CLVS1: variants seen among roughly 807,000 people sequenced by gnomAD.
The protein encoded by CLVS1 is clavesin 1.
In CLVS1, 10 loss-of-function variants were observed where a neutral mutation model predicts 33.1. That is an observed-to-expected ratio of 0.30 (90% CI 0.19 to 0.51). CLVS1 has a LOEUF of 0.51. Among genes scored for constraint, CLVS1 ranks in the 20% least tolerant of loss-of-function variants. CLVS1 has a pLI of 0.97. For missense variants in CLVS1, 343 were observed against 433.4 expected, an observed-to-expected ratio of 0.79 and a Z score of 1.85; for synonymous variants, 163 against 166.1, an observed-to-expected ratio of 0.98 and a Z score of 0.14.
chr8:61,254,618 G>A, intron 2 of CLVS1, among the ~76,000 whole-genome samples: 1 of 152,110 alleles, frequency 6.6e-6, no homozygotes, highest in Middle Eastern at 3.2e-3. Context: ...CCTCAGCAAT[G>A]GCGGGCACCC....
At chr8:61,055,022 C>A (rs982893044), upstream of CLVS1, among the ~76,000 whole-genome samples, 2 of 152,086 alleles carry the variant, frequency 1.3e-5, no homozygotes, top group African/African-American at 4.8e-5. Flanking sequence ...TCACACCAAC[C>A]CTTTCATTAT....
At chr8:61,276,481 T>C (rs761445004) in intron 2 of CLVS1, among the ~76,000 whole-genome samples, 2 of 152,236 alleles carry the variant, frequency 1.3e-5, no homozygotes, top group Non-Finnish European at 2.9e-5. Context: ...GGCAACATTC[T>C]CTTGTTTGTT....
At chr8:61,457,872 G>A (rs1817223126) in intron 4 of CLVS1, among the ~76,000 whole-genome samples, 1 of 152,208 alleles carries the variant, frequency 6.6e-6, no homozygotes, top group African/African-American at 2.4e-5. Context: ...GGGCGAATTA[G>A]GAAGAAGCTG....
At chr8:61,233,615 G>T (rs561257274) in intron 2 of CLVS1, among the ~76,000 whole-genome samples, 32 of 152,000 alleles carry the variant, frequency 2.1e-4, no homozygotes, top group African/African-American at 7.5e-4. Flanking sequence ...CCTACTCCTA[G>T]AACCAGACTC....
intron 1 of CLVS1, among the ~76,000 whole-genome samples, chr8:61,064,917 G>T (rs1339037414): frequency 6.6e-6 from 1 of 152,196 alleles, no homozygotes; most frequent in African/African-American, 2.4e-5. Context: ...TGGCCAGGCT[G>T]GTCTCGAACT....
At chr8:61,409,692 T>C (rs1454169050) in intron 3 of CLVS1, among the ~76,000 whole-genome samples, 2 of 152,192 alleles carry the variant, frequency 1.3e-5, no homozygotes, top group Non-Finnish European at 2.9e-5. Context: ...ATTAAAATTA[T>C]CCGTTTGCAA....
chr8:61,068,223 G>GTATTTATATATA (rs71521932), intron 1 of CLVS1, among the ~76,000 whole-genome samples: 1 of 105,184 alleles, frequency 9.5e-6, no homozygotes, highest in African/African-American at 5.3e-5. Context: ...ATATATGTAT[G>GTATTTATATATA]TATGTGTATA....
intron 3 of CLVS1, among the ~76,000 whole-genome samples, chr8:61,379,460 G>A (rs145547423): frequency 4.2e-5 from 6 of 144,184 alleles, no homozygotes; most frequent in Non-Finnish European, 7.5e-5. Flanking sequence ...CTCCCAGACA[G>A]CCCAATCTTT....
At chr8:61,218,794 A>AG (rs1808146913) in intron 2 of CLVS1, among the ~76,000 whole-genome samples, 1 of 118,870 alleles carries the variant, frequency 8.4e-6, no homozygotes, top group African/African-American at 3.8e-5. Context: ...AAAAAAAAAA[A>AG]AAAGCTGGGA....
intron 5 of CLVS1, among the ~76,000 whole-genome samples, chr8:61,460,591 G>A (rs182360332): frequency 3.8e-4 from 58 of 152,320 alleles, no homozygotes; most frequent in African/African-American, 1.3e-3. Flanking sequence ...AGAGAAGTGA[G>A]CAGGAACATT....
At chr8:61,391,415 G>A (rs1814300417) in intron 3 of CLVS1, among the ~76,000 whole-genome samples, 1 of 152,148 alleles carries the variant, frequency 6.6e-6, no homozygotes, top group South Asian at 2.1e-4. Context: ...TGGAAGAAAA[G>A]GAAAAATGAG....
chr8:61,149,320 G>T (rs996974268), intron 2 of CLVS1, among the ~76,000 whole-genome samples: 2 of 152,056 alleles, frequency 1.3e-5, no homozygotes, highest in African/African-American at 4.8e-5. Flanking sequence ...GGGAGGCTGA[G>T]GTGGGTGGAT....
the CLVS1 span, among the ~76,000 whole-genome samples, chr8:61,025,804 A>G: frequency 2.0e-5 from 3 of 152,222 alleles, no homozygotes; most frequent in African/African-American, 7.2e-5. Context: ...TGTCTTTCTT[A>G]GAACAATGAC....
At chr8:60,973,278 T>C in the CLVS1 span, among the ~76,000 whole-genome samples, 2 of 152,262 alleles carry the variant, frequency 1.3e-5, no homozygotes, top group Non-Finnish European at 2.9e-5. Flanking sequence ...TATCAATTGT[T>C]TTCTCCTTAT....
At chr8:61,070,072 C>T (rs886888597) in intron 1 of CLVS1, among the ~76,000 whole-genome samples, 8 of 152,304 alleles carry the variant, frequency 5.3e-5, no homozygotes, top group South Asian at 2.1e-4. Context: ...GGATTCCAGG[C>T]GTGAGCCACA....
intron 2 of CLVS1, among the ~76,000 whole-genome samples, chr8:61,261,140 C>T (rs753570112): frequency 3.9e-5 from 6 of 152,162 alleles, no homozygotes; most frequent in Non-Finnish European, 7.3e-5. Flanking sequence ...GAGCTTCTAA[C>T]TGATGTGTGT....
intron 3 of CLVS1, among the ~76,000 whole-genome samples, chr8:61,395,506 T>C (rs1233219010): frequency 2.0e-5 from 3 of 152,230 alleles, no homozygotes; most frequent in African/African-American, 4.8e-5. Flanking sequence ...GTGATGGATA[T>C]GTTAATTAGC....
intron 2 of CLVS1, among the ~76,000 whole-genome samples, chr8:61,270,956 A>C (rs1292144093): frequency 6.6e-6 from 1 of 151,572 alleles, no homozygotes; most frequent in Admixed American, 6.6e-5. Context: ...TGATCCTGTC[A>C]AAAAACCAGC....
the CLVS1 span, among the ~76,000 whole-genome samples, chr8:61,044,333 A>G: frequency 2.0e-5 from 3 of 152,224 alleles, no homozygotes; most frequent in Admixed American, 6.5e-5. Context: ...TAGAGACAGA[A>G]CATCCAAACA....
Sources: allele counts gnomAD v4.1 joint callset (sites outside exome capture counted in the v4.1 genomes callset), GRCh38; gene constraint gnomAD v4.1.1; transcripts MANE v1.5; gene names NCBI Gene and HGNC (gene_info 2026-07-23, HGNC 2026-07-21).